Variants in CNTNAP2 observed in about 807,000 individuals in gnomAD.
CNTNAP2 encodes the protein contactin associated protein 2, also known as contactin-associated protein-like 2.
In CNTNAP2, 98 loss-of-function variants were observed where a neutral mutation model predicts 155.2. The ratio of observed to expected loss-of-function variants is 0.63; its 90% CI spans 0.54 to 0.75. CNTNAP2 has a LOEUF of 0.75. Ranked by LOEUF, CNTNAP2 falls within the 30% of genes least tolerant of loss-of-function variation. The pLI, the probability that CNTNAP2 is intolerant of heterozygous loss-of-function variation, is 0.00. For synonymous variants in CNTNAP2, 651 were observed against 631.2 expected (o/e 1.03, Z -0.47); for missense variants, 1,727 against 1,688.1 (o/e 1.02, Z -0.40).
intron 14 of CNTNAP2, among the ~76,000 whole-genome samples, chr7:147,947,292 C>G (rs1235215426): frequency 6.6e-6 from 1 of 151,800 alleles, no homozygotes; most frequent in Non-Finnish European, 1.5e-5. Context: ...AAGACAATTG[C>G]ATTTCCTTTT....
intron 13 of CNTNAP2, among the ~76,000 whole-genome samples, chr7:147,736,176 T>A (rs10243854): frequency 1.3e-5 from 2 of 151,766 alleles, no homozygotes; most frequent in African/African-American, 4.8e-5. Context: ...TTCCTTTCCA[T>A]GTTTAGTGCT....
intron 1 of CNTNAP2, among the ~76,000 whole-genome samples, chr7:146,425,426 G>T (rs1012036642): frequency 6.6e-6 from 1 of 152,076 alleles, no homozygotes; most frequent in South Asian, 2.1e-4. Context: ...ACAAAGAATT[G>T]GCAAGCAGCC....
intron 3 of CNTNAP2, among the ~76,000 whole-genome samples, chr7:146,926,733 CTAAATA>C (rs1415432159): frequency 6.6e-6 from 1 of 151,990 alleles, no homozygotes. Context: ...TAAATTTCAC[CTAAATA>C]TAAATATTAC....
intron 4 of CNTNAP2, among the ~76,000 whole-genome samples, chr7:147,096,948 T>C (rs1436059565): frequency 6.6e-6 from 1 of 152,204 alleles, no homozygotes; most frequent in Non-Finnish European, 1.5e-5. Flanking sequence ...TCTCACAACA[T>C]GTGTACCTTT....
At chr7:147,613,671 G>A (rs754169140) in intron 12 of CNTNAP2, among the ~76,000 whole-genome samples, 13 of 151,954 alleles carry the variant, frequency 8.6e-5, no homozygotes, top group East Asian at 1.9e-4. Context: ...ATGAAACCCC[G>A]TCTCTACTAA....
intron 17 of CNTNAP2, among the ~76,000 whole-genome samples, chr7:148,152,527 A>G (rs910992185): frequency 4.6e-5 from 7 of 152,186 alleles, no homozygotes; most frequent in African/African-American, 1.7e-4. Flanking sequence ...CAACTGAGGA[A>G]GCCACAAATC....
At chr7:146,246,995 C>T (rs757598960) in intron 1 of CNTNAP2, among the ~76,000 whole-genome samples, 14 of 152,054 alleles carry the variant, frequency 9.2e-5, no homozygotes, top group South Asian at 2.1e-4. Context: ...ACGTTGAAGG[C>T]GAGGTTAATT....
At chr7:148,153,240 GAA>G (rs3056237) in intron 17 of CNTNAP2, among the ~76,000 whole-genome samples, 1 of 130,192 alleles carries the variant, frequency 7.7e-6, no homozygotes. Context: ...CAAAGTAACC[GAA>G]AAAAAAAAAA....
At position 147,801,991 on chromosome 7, in the gene CNTNAP2, C is replaced by T. The variant is rs552935988; in HGVS notation, c.2099-101574C>T. On this transcript the variant is annotated intron_variant, in intron 13 of 23. Coordinates refer to ENST00000361727, the MANE Select transcript of CNTNAP2 (RefSeq NM_014141.6). ...CCTCCCTCCCGGACGGGGTGGCTGCCGGGCGGAGACGCTCCTCACTTCCCG... is the reference window on the plus strand; with the variant it reads ...CCTCCCTCCCGGACGGGGTGGCTGCTGGGCGGAGACGCTCCTCACTTCCCG... 2.7e-3 allele frequency among the ~76,000 whole-genome samples: 407 copies of T among 151,062 alleles called. 2 individuals carry two copies. The highest frequency in any genetic ancestry group is 0.017 in the Middle Eastern group (5 of 294).
At chr7:146,859,720 T>A (rs1250851244) in intron 3 of CNTNAP2, among the ~76,000 whole-genome samples, 1 of 151,976 alleles carries the variant, frequency 6.6e-6, no homozygotes, top group Non-Finnish European at 1.5e-5. Flanking sequence ...ACTCTAAGCT[T>A]AATTCCACCT....
chr7:146,165,191 TA>T (rs1056376531), intron 1 of CNTNAP2, among the ~76,000 whole-genome samples: 16 of 152,100 alleles, frequency 1.1e-4, no homozygotes, highest in Non-Finnish European at 1.3e-4. Context: ...ATTACTAATA[TA>T]TTTTTTTAAA....
intron 3 of CNTNAP2, among the ~76,000 whole-genome samples, chr7:147,042,965 A>G (rs1425525595): frequency 6.6e-6 from 1 of 152,166 alleles, no homozygotes; most frequent in African/African-American, 2.4e-5. Context: ...TTTAGAATGC[A>G]TATATGAAGC....
At chr7:147,017,074 C>A (rs1415449238) in intron 3 of CNTNAP2, among the ~76,000 whole-genome samples, 2 of 151,048 alleles carry the variant, frequency 1.3e-5, no homozygotes, top group Non-Finnish European at 2.9e-5. Context: ...TTCCTGACTT[C>A]TCTTTTCTAC....
At chr7:148,097,163 C>T (rs1803989409) in intron 15 of CNTNAP2, among the ~76,000 whole-genome samples, 1 of 151,842 alleles carries the variant, frequency 6.6e-6, no homozygotes, top group African/African-American at 2.4e-5. Flanking sequence ...AACCCAGTTG[C>T]ACATTTTCAG....
chr7:147,906,285 C>T (rs185057497), intron 14 of CNTNAP2, among the ~76,000 whole-genome samples: 1,669 of 151,990 alleles, frequency 0.011, 88 homozygotes, highest in Admixed American at 0.091. Context: ...TCTGCCTCCC[C>T]GGTTCAAGCA....
intron 1 of CNTNAP2, among the ~76,000 whole-genome samples, chr7:146,518,788 G>A (rs1376286259): frequency 6.6e-6 from 1 of 151,772 alleles, no homozygotes; most frequent in Non-Finnish European, 1.5e-5. Context: ...TCACTGAGTT[G>A]AGTTACAAGT....
chr7:146,878,143 A>G lies in CNTNAP2; in HGVS notation c.402+38239A>G, dbSNP rs181429016. On this transcript the variant is annotated intron_variant, in intron 3 of 23. Coordinates refer to ENST00000361727, the MANE Select transcript of CNTNAP2 (RefSeq NM_014141.6). ...GAATACTGTTAATGCAACCACTTCA[A>G]TTTGAGTGGTAGATATCTTCTATTT... Among the ~76,000 whole-genome samples the G allele has an allele frequency of 7.9e-5, 12 of 152,222 alleles. No individual in the cohort carries two copies. The East Asian group carries it at 2.3e-3, about 29-fold the overall frequency.
At chr7:147,027,789 G>C (rs931529694) in intron 3 of CNTNAP2, among the ~76,000 whole-genome samples, 8 of 152,160 alleles carry the variant, frequency 5.3e-5, no homozygotes. Context: ...CAGCACCTGG[G>C]ACATTGTGAA....
chr7:147,606,099 C>A (rs1468305845), intron 12 of CNTNAP2, among the ~76,000 whole-genome samples: 1 of 150,238 alleles, frequency 6.7e-6, no homozygotes, highest in African/African-American at 2.4e-5. Flanking sequence ...CATCCCTATG[C>A]CCATTTCCAA....
Sources: gnomAD v4.1 joint callset for allele counts (sites outside exome capture counted in the v4.1 genomes callset) on GRCh38, gnomAD v4.1.1 for gene constraint, MANE v1.5 for transcripts, NCBI Gene and HGNC (gene_info 2026-07-23, HGNC 2026-07-21) for gene names.